EEA1: variants seen among roughly 807,000 people sequenced by gnomAD.
EEA1 encodes early endosome antigen 1, 162kD.
A neutral mutation model predicts 209.2 loss-of-function variants in EEA1; 111 were observed. That is an observed-to-expected ratio of 0.53 (90% CI 0.45 to 0.62). The LOEUF is 0.62. EEA1 is among the 20% of genes least tolerant of loss of function. The pLI is 0.00. For synonymous variants in EEA1, 536 were observed against 540.6 expected (o/e 0.99, Z 0.12); for missense variants, 1,343 against 1,530.8 (o/e 0.88, Z 2.05).
At chr12:92,801,484 A>T in intron 20 of EEA1, 116 bp downstream of exon 20, 2 of 638,546 alleles carry the variant, frequency 3.1e-6, no homozygotes, top group Non-Finnish European at 4.9e-6. Context: ...TAAAACTATA[A>T]AAAAAAATTA....
chr12:92,799,399 A>T (rs761735517), intron 20 of EEA1, among the ~76,000 whole-genome samples: 3 of 152,292 alleles, frequency 2.0e-5, no homozygotes, highest in Middle Eastern at 3.4e-3. Flanking sequence ...GTATAGTTAC[A>T]GCTTGTAAAT....
Position 92,929,281 on chromosome 12 carries a change from C to G in EEA1, c.-215G>C, listed in dbSNP as rs1881341538. On this transcript the variant is annotated 5_prime_UTR_variant, in exon 1 of 29. Transcript: ENST00000322349. Reference sequence around the variant, plus strand: ...AGAGAGCGAGCGAACGACTAGGCAGCCTGCGAGCGCCTCCAGCCCGCCCGC... The same window carrying G: ...AGAGAGCGAGCGAACGACTAGGCAGGCTGCGAGCGCCTCCAGCCCGCCCGC... 2.4e-6 allele frequency: 1 copy of G among 424,536 alleles called. No individual in the cohort carries two copies. Among genetic ancestry groups the G allele is most frequent in the Admixed American group, 4.5e-5 (1 of 22,088 alleles). The allele number at this position is 424,536 out of a possible 1,614,324, so 26.3% of individuals were successfully genotyped here.
At chr12:92,912,496 T>G (rs1880615034) in intron 1 of EEA1, among the ~76,000 whole-genome samples, 1 of 152,202 alleles carries the variant, frequency 6.6e-6, no homozygotes, top group African/African-American at 2.4e-5. Context: ...TAGACACATG[T>G]GGCCCAATGG....
intron 11 of EEA1, among the ~76,000 whole-genome samples, chr12:92,832,093 CAA>C (rs760668908): frequency 5.9e-4 from 37 of 62,340 alleles, no homozygotes; most frequent in African/African-American, 1.2e-3. Context: ...GACTCCGTCT[CAA>C]AAAAAAAAAA....
At chr12:92,843,623 T>C (rs1877266642) in intron 9 of EEA1, among the ~76,000 whole-genome samples, 1 of 152,106 alleles carries the variant, frequency 6.6e-6, no homozygotes. Flanking sequence ...TTTTTTTAAG[T>C]ATGGTCTGCT....
At chr12:92,868,122 G>C (rs1054026000) in intron 2 of EEA1, among the ~76,000 whole-genome samples, 1 of 152,182 alleles carries the variant, frequency 6.6e-6, no homozygotes, top group Non-Finnish European at 1.5e-5. Flanking sequence ...TGAGCAAACG[G>C]TAGTATTGAG....
At chr12:92,862,855 T>C (rs538994825) in intron 3 of EEA1, among the ~76,000 whole-genome samples, 1 of 152,186 alleles carries the variant, frequency 6.6e-6, no homozygotes, top group Non-Finnish European at 1.5e-5. Context: ...ACTAACTGGG[T>C]GGACAGATAA....
intron 10 of EEA1, among the ~76,000 whole-genome samples, chr12:92,840,756 C>A (rs956732379): frequency 1.3e-5 from 2 of 152,170 alleles, no homozygotes; most frequent in African/African-American, 2.4e-5. Context: ...TAAAGATGGA[C>A]ATAGAGTCCA....
At chr12:92,872,047 A>ATTCT (rs1878675432) in intron 2 of EEA1, among the ~76,000 whole-genome samples, 1 of 132,594 alleles carries the variant, frequency 7.5e-6, no homozygotes, top group Admixed American at 8.0e-5. Flanking sequence ...GGCCCAGCTA[A>ATTCT]TTTTTTTTTT....
At chr12:92,825,144 G>A (rs943566857) in intron 13 of EEA1, among the ~76,000 whole-genome samples, 2 of 152,164 alleles carry the variant, frequency 1.3e-5, no homozygotes, top group African/African-American at 2.4e-5. Context: ...AATTAAAGCC[G>A]GGTGCAGTGG....
intron 2 of EEA1, among the ~76,000 whole-genome samples, chr12:92,886,228 A>C (rs1049712756): frequency 2.0e-5 from 3 of 149,482 alleles, no homozygotes; most frequent in African/African-American, 7.4e-5. Context: ...CTAGCTGGAC[A>C]TGGTGGCACA....
At chr12:92,784,914 C>T (rs1462976193) in intron 22 of EEA1, among the ~76,000 whole-genome samples, 2 of 151,668 alleles carry the variant, frequency 1.3e-5, no homozygotes, top group African/African-American at 2.4e-5. Flanking sequence ...AAATACCAAC[C>T]TTGACCCTGA....
At chr12:92,871,076 A>G (rs1183216004) in intron 2 of EEA1, among the ~76,000 whole-genome samples, 1 of 152,196 alleles carries the variant, frequency 6.6e-6, no homozygotes, top group Non-Finnish European at 1.5e-5. Flanking sequence ...TCCATTAATG[A>G]AACATTAACA....
intron 21 of EEA1, 42 bp downstream of exon 21, chr12:92,798,850 C>T: frequency 6.9e-7 from 1 of 1,439,330 alleles, no homozygotes; most frequent in Non-Finnish European, 9.2e-7. Context: ...TCTTAATTGC[C>T]AAGTTTTTCT....
chr12:92,852,357 T>C, intron 7 of EEA1, 61 bp from the exon 8 acceptor site: 1 of 1,209,332 alleles, frequency 8.3e-7, no homozygotes, highest in Non-Finnish European at 1.1e-6. Context: ...TAAGTTTCCA[T>C]ATATTACTCT....
chr12:92,875,770 C>T (rs989685901), intron 2 of EEA1, among the ~76,000 whole-genome samples: 4 of 152,186 alleles, frequency 2.6e-5, no homozygotes, highest in African/African-American at 9.6e-5. Context: ...CAGACCCGAT[C>T]GCTGACCCAA....
At position 92,858,590 on chromosome 12, in the gene EEA1, A is replaced by G. The variant is rs539642499; in HGVS notation, c.246-1105T>C. The G allele has an allele frequency of 2.0e-5, 15 of 746,848 alleles. No homozygotes were observed. In the East Asian group the frequency reaches 3.5e-4, roughly 17 times the overall value. 46.3% of individuals were successfully genotyped at this position (746,848 alleles called of 1,614,324 possible). A position where few individuals can be genotyped will look rare whatever the true frequency, so the allele number is the denominator to read the frequency against. On this transcript the variant is annotated intron_variant, in intron 3 of 28. Coordinates refer to ENST00000322349, the MANE Select transcript of EEA1 (RefSeq NM_003566.4). ...AAAGCCAAACTGGCAGAACTACGCC[A>G]TAATGGCACTTTGCCTGGGTTATGC... is the stretch of plus-strand genomic sequence containing the variant.
intron 28 of EEA1, 78 bp downstream of exon 28, chr12:92,776,766 C>T: frequency 1.5e-6 from 2 of 1,303,116 alleles, no homozygotes; most frequent in Non-Finnish European, 2.2e-6. Flanking sequence ...AAATGAAGGA[C>T]TATTTTGATG....
chr12:92,782,960 G>A (rs2136651428), intron 22 of EEA1, among the ~76,000 whole-genome samples: 1 of 152,316 alleles, frequency 6.6e-6, no homozygotes, highest in Admixed American at 6.5e-5. Context: ...GCATGCCCGG[G>A]GAGGGCACGG....
Sources: allele counts gnomAD v4.1 joint callset (sites outside exome capture counted in the v4.1 genomes callset), GRCh38; gene constraint gnomAD v4.1.1; transcripts MANE v1.5; gene names NCBI Gene and HGNC (gene_info 2026-07-23, HGNC 2026-07-21).